ABTB3: variants seen among roughly 807,000 people sequenced by gnomAD.
ABTB3 encodes ankyrin repeat- and BTB/POZ domain-containing protein 3.
At chr12:107,371,377 A>T in the ABTB3 span, among the ~76,000 whole-genome samples, 2 of 152,130 alleles carry the variant, frequency 1.3e-5, no homozygotes, top group African/African-American at 4.8e-5. Context: ...TTCTAGGATG[A>T]GACTAAGCTG....
At chr12:107,645,384 C>A in the ABTB3 span, among the ~76,000 whole-genome samples, 1 of 152,146 alleles carries the variant, frequency 6.6e-6, no homozygotes, top group East Asian at 1.9e-4. Context: ...TGCGAGGTAG[C>A]CATAATCCCC....
chr12:107,364,745 G>C, the ABTB3 span, among the ~76,000 whole-genome samples: 1 of 152,212 alleles, frequency 6.6e-6, no homozygotes, highest in Non-Finnish European at 1.5e-5. Flanking sequence ...GTGAGCAGCA[G>C]TATGTCTGTC....
the ABTB3 span, chr12:107,486,770 T>G: frequency 6.7e-6 from 1 of 149,912 alleles, no homozygotes; most frequent in Non-Finnish European, 1.5e-5. Flanking sequence ...CTGATGTTCA[T>G]AGAATACAGT....
chr12:107,365,116 C>A, the ABTB3 span, among the ~76,000 whole-genome samples: 1 of 152,174 alleles, frequency 6.6e-6, no homozygotes. Context: ...TGGCCTTGAC[C>A]AGGTTATTGA....
At chr12:107,513,220 G>A in the ABTB3 span, among the ~76,000 whole-genome samples, 1 of 152,148 alleles carries the variant, frequency 6.6e-6, no homozygotes, top group East Asian at 1.9e-4. Context: ...CATCATTGAA[G>A]GTTGGATGGA....
the ABTB3 span, among the ~76,000 whole-genome samples, chr12:107,572,944 C>T: frequency 6.6e-6 from 1 of 152,316 alleles, no homozygotes; most frequent in South Asian, 2.1e-4. Flanking sequence ...AGAGATGCTT[C>T]CTTGGTCAGT....
chr12:107,407,133 TC>T, the ABTB3 span, among the ~76,000 whole-genome samples: 2 of 152,308 alleles, frequency 1.3e-5, no homozygotes, highest in Admixed American at 1.3e-4. Flanking sequence ...CTGTATGACC[TC>T]GGGCAAGTCA....
At chr12:107,519,008 T>C in the ABTB3 span, among the ~76,000 whole-genome samples, 1 of 152,244 alleles carries the variant, frequency 6.6e-6, no homozygotes, top group Non-Finnish European at 1.5e-5. Context: ...CCTCACTATA[T>C]CCTCAACCCC....
the ABTB3 span, among the ~76,000 whole-genome samples, chr12:107,557,055 T>C: frequency 1.3e-5 from 2 of 152,088 alleles, no homozygotes; most frequent in Non-Finnish European, 2.9e-5. Flanking sequence ...CTCCATCCGA[T>C]TGGACAGCCT....
chr12:107,506,331 C>CTTCTA, the ABTB3 span, among the ~76,000 whole-genome samples: 12 of 152,234 alleles, frequency 7.9e-5, no homozygotes, highest in Admixed American at 3.3e-4. Context: ...GATGAAAATA[C>CTTCTA]TTCTACTTAA....
At chr12:107,508,297 G>A in the ABTB3 span, among the ~76,000 whole-genome samples, 10 of 151,990 alleles carry the variant, frequency 6.6e-5, no homozygotes, top group Middle Eastern at 3.4e-3. Flanking sequence ...ATGGACAGAC[G>A]GATGGATGGA....
chr12:107,393,885 G>A, the ABTB3 span, among the ~76,000 whole-genome samples: 3 of 152,000 alleles, frequency 2.0e-5, no homozygotes, highest in African/African-American at 7.3e-5. Context: ...GGCCGAGATC[G>A]CACCACTGCA....
At chr12:107,387,121 G>T in the ABTB3 span, among the ~76,000 whole-genome samples, 3 of 151,900 alleles carry the variant, frequency 2.0e-5, no homozygotes, top group African/African-American at 7.3e-5. Context: ...GGGATTACAG[G>T]CACCTGCCAC....
At chr12:107,319,520 G>A in the ABTB3 span, 1 of 1,569,052 alleles carries the variant, frequency 6.4e-7, no homozygotes, top group Non-Finnish European at 8.6e-7. Flanking sequence ...CATGAGCAGC[G>A]CCGGCGGCGA....
chr12:107,411,306 C>CA, the ABTB3 span, among the ~76,000 whole-genome samples: 1 of 152,020 alleles, frequency 6.6e-6, no homozygotes, highest in South Asian at 2.1e-4. Flanking sequence ...CTCCCCCCTC[C>CA]AAAAAAAATT....
chr12:107,435,987 C>T, the ABTB3 span, among the ~76,000 whole-genome samples: 2 of 152,186 alleles, frequency 1.3e-5, no homozygotes, highest in Non-Finnish European at 2.9e-5. Flanking sequence ...TTTAAGTAGC[C>T]ATGCCTGACT....
chr12:107,608,927 TA>T, the ABTB3 span, among the ~76,000 whole-genome samples: 636 of 77,696 alleles, frequency 8.2e-3, 17 homozygotes, highest in African/African-American at 0.033. Flanking sequence ...TAAAATAAAA[TA>T]AAATAAAATA....
chr12:107,439,474 G>A, the ABTB3 span, among the ~76,000 whole-genome samples: 1 of 152,184 alleles, frequency 6.6e-6, no homozygotes, highest in African/African-American at 2.4e-5. Context: ...TGTGGATGCC[G>A]AGCCCATCTG....
the ABTB3 span, among the ~76,000 whole-genome samples, chr12:107,382,357 G>A: frequency 6.6e-6 from 1 of 152,150 alleles, no homozygotes; most frequent in Non-Finnish European, 1.5e-5. Context: ...TGGGTGCAAA[G>A]CCACTAGATG....
Sources: allele counts gnomAD v4.1 joint callset (sites outside exome capture counted in the v4.1 genomes callset), GRCh38; gene constraint gnomAD v4.1.1; transcripts MANE v1.5; gene names NCBI Gene and HGNC (gene_info 2026-07-23, HGNC 2026-07-21).